HDC: variants seen among roughly 807,000 people sequenced by gnomAD.
HDC encodes the protein histidine decarboxylase.
Under a neutral mutation model 64.4 loss-of-function variants are expected in HDC, and 27 were observed. The observed-to-expected ratio is 0.42, with a 90% confidence interval of 0.31 to 0.58. The LOEUF (loss-of-function observed/expected upper bound fraction) is 0.58. Ranked by LOEUF, HDC falls within the 20% of genes least tolerant of loss-of-function variation. HDC has a pLI of 0.16. For missense variants in HDC, 711 were observed against 833.9 expected (o/e 0.85, Z 1.81); for synonymous variants, 305 against 314.2 (o/e 0.97, Z 0.31).
In HDC at chr15:50,242,849, A is replaced by G; in HGVS notation, c.1400T>C (p.Ile467Thr). The change falls in exon 12 of 12, where the codon ATT becomes ACT. Residue 467 changes from isoleucine (I) to threonine (T), a missense_variant. Around this residue, in one of 3 missense-constraint regions of HDC, gnomAD observed 483 missense variants for 540.9 expected, o/e 0.89. Coordinates refer to ENST00000267845, the MANE Select transcript of HDC (RefSeq NM_002112.4). Reference protein sequence around the residue: ...RDDILRDWNLIRDAATLILSQ... With the variant: ...RDDILRDWNLTRDAATLILSQ... The stretch of plus-strand genomic sequence containing the variant: ...CAGGATGAGAGTGGCAGCATCTCGA[A>G]TGAGATTCCAGTCTCTCAGGATGTC... The G allele has an allele frequency of 1.2e-6, 2 of 1,613,826 alleles. No individual in the cohort carries two copies. The highest frequency in any genetic ancestry group is 1.7e-6 in the Non-Finnish European group (2 of 1,179,724).
At position 50,245,281 on chromosome 15, in the gene HDC, C is replaced by G. The variant is rs61699680; in HGVS notation, c.1141-2037G>C. ...TGTTTACATATTGTCTACGGTAGCT[C>G]TTGTAGTACAGAGGTAATTACAATA... On this transcript the variant is annotated intron_variant, in intron 10 of 11. Coordinates refer to ENST00000267845, the MANE Select transcript of HDC (RefSeq NM_002112.4). Among the ~76,000 whole-genome samples the G allele has an allele frequency of 2.6e-4, 39 of 152,272 alleles. No individual in the cohort carries two copies. In the East Asian group the frequency reaches 7.5e-3, roughly 29 times the overall value.
chr15:50,253,323 CAA>C, intron 7 of HDC: 1 of 513,612 alleles, frequency 1.9e-6, no homozygotes, highest in Non-Finnish European at 3.5e-6. Context: ...GTTCAACATA[CAA>C]GTAAGAGGAT....
At chr15:50,255,756 C>A (rs557644645) in intron 4 of HDC, among the ~76,000 whole-genome samples, 1 of 152,138 alleles carries the variant, frequency 6.6e-6, no homozygotes, top group South Asian at 2.1e-4. Context: ...GCCATGATGG[C>A]TCCACTGCAC....
intron 4 of HDC, among the ~76,000 whole-genome samples, chr15:50,255,894 C>T (rs534910149): frequency 2.6e-5 from 4 of 152,270 alleles, no homozygotes; most frequent in Admixed American, 2.0e-4. Context: ...CCTCACAACA[C>T]CTCTTTGAGA....
chr15:50,263,158 C>G, intron 2 of HDC, 77 bp downstream of exon 2: 1 of 1,460,422 alleles, frequency 6.8e-7, no homozygotes, highest in Non-Finnish European at 9.6e-7. Flanking sequence ...TGACCCAAAG[C>G]AGGTCTTTCT....
chr15:50,265,603 G>A lies in HDC; in HGVS notation c.21C>T (p.Tyr7=), dbSNP rs764087021. The change falls in exon 1 of 12, where the codon TAC becomes TAT. Residue 7 remains tyrosine, a synonymous_variant. Transcript: ENST00000267845. The part of the protein sequence containing the change: MMEPEE[Y]RERGREMVDY... ...ATGCCCGTTGCTCACCTCTCTCTCT[G>A]TACTCCTCAGGCTCCATCATCTCCC... 2 of 1,613,704 alleles carry A rather than the reference G, an allele frequency of 1.2e-6. No individual in the cohort carries two copies. The highest frequency in any genetic ancestry group is 2.7e-5 in the African/African-American group (2 of 74,902).
At chr15:50,261,858 T>C (rs569819982) in intron 2 of HDC, among the ~76,000 whole-genome samples, 11 of 152,014 alleles carry the variant, frequency 7.2e-5, no homozygotes, top group Admixed American at 3.3e-4. Context: ...TACAGGCATG[T>C]GCCACCATGC....
chr15:50,254,743 TC>T, intron 4 of HDC, 79 bp from the exon 5 acceptor site: 1 of 333,814 alleles, frequency 3.0e-6, no homozygotes, highest in East Asian at 5.1e-5. Flanking sequence ...GTTTTTTCTC[TC>T]TCTCTCTCTC....
intron 1 of HDC, 167 bp from the exon 2 acceptor site, chr15:50,263,574 G>T (rs1278178996): frequency 2.9e-6 from 2 of 679,926 alleles, no homozygotes; most frequent in Non-Finnish European, 5.3e-6. Context: ...GGCTGAGGCA[G>T]GCGGATCACG....
Position 50,263,167 on chromosome 15 carries a change from C to A in HDC, c.204+68G>T, listed in dbSNP as rs112772662. The A allele has an allele frequency of 2.6e-6, 4 of 1,543,698 alleles. No homozygotes were observed. The African/African-American group carries it at 5.4e-5, about 21-fold the overall frequency. ...CCAAGCTGACCCAAAGCAGGTCTTT[C>A]TCCAGGCCACCACCCACCCTTCTGT... On this transcript the variant is annotated intron_variant, in intron 2 of 11. Coordinates refer to ENST00000267845, the MANE Select transcript of HDC (RefSeq NM_002112.4).
chr15:50,258,499 G>C lies in HDC; in HGVS notation c.223C>G (p.Pro75Ala). The C allele has an allele frequency of 6.2e-7, 1 of 1,612,164 alleles. No homozygotes were observed. The highest frequency in any genetic ancestry group is 8.5e-7 in the Non-Finnish European group (1 of 1,178,358). ...GCTGGGTAGTAGGCGTGCATATGGG[G>C]GCTCTGCCAATGTACCACCTGGAGG... is the stretch of plus-strand genomic sequence containing the variant. ...IMPGVVHWQS[P>A]HMHAYYPALT... is the part of the protein sequence containing the mutation. The change falls in exon 3 of 12, where the codon CCC becomes GCC. Residue 75 changes from proline (P) to alanine (A), a missense_variant. Pro to Ala is a conservative substitution (Grantham distance 27). Coordinates refer to ENST00000267845, the MANE Select transcript of HDC (RefSeq NM_002112.4).
chr15:50,252,365 G>A (rs1051690346), intron 9 of HDC, 65 bp downstream of exon 9: 72 of 1,295,256 alleles, frequency 5.6e-5, no homozygotes, highest in Non-Finnish European at 7.5e-5. Flanking sequence ...ATTTTGGGGG[G>A]TCAGACGCCT....
At position 50,248,493 on chromosome 15, in the gene HDC, A is replaced by G; in HGVS notation, c.1042-150T>C. 4 of 694,422 alleles carry G rather than the reference A, an allele frequency of 5.8e-6. No individual in the cohort carries two copies. Among genetic ancestry groups the G allele is most frequent in the African/African-American group, 3.5e-5 (2 of 57,098 alleles). 43.0% of individuals were successfully genotyped at this position (694,422 alleles called of 1,614,324 possible). On this transcript the variant is annotated intron_variant, in intron 9 of 11. Coordinates refer to ENST00000267845, the MANE Select transcript of HDC (RefSeq NM_002112.4). The surrounding 1 kb of genome is among the most constrained non-coding windows in gnomAD (Gnocchi z 4.3). The stretch of plus-strand genomic sequence containing the variant: ...GGAGCTGTTGCTAAGGAGTAAGCCA[A>G]GCTCCCCAAGGGTTGCCCCATCGTG...
At chr15:50,261,676 A>G (rs959468623) in intron 2 of HDC, among the ~76,000 whole-genome samples, 18 of 146,474 alleles carry the variant, frequency 1.2e-4, no homozygotes, top group African/African-American at 4.5e-4. Flanking sequence ...GAGTTTGAAT[A>G]TTTTCCCACC....
At position 50,248,117 on chromosome 15, in the gene HDC, A is replaced by T; in HGVS notation, c.1140+128T>A. 1.4e-6 allele frequency: 1 copy of T among 708,860 alleles called. No individual in the cohort carries two copies. Among genetic ancestry groups the T allele is most frequent in the East Asian group, 2.7e-5 (1 of 36,392 alleles). 43.9% of individuals were successfully genotyped at this position (708,860 alleles called of 1,614,324 possible). ...AGAATCAAGTCCCAGGAGCTGAGGA[A>T]CAGGCCCAGACACCTGAACCACACA... On this transcript the variant is annotated intron_variant, in intron 10 of 11. Coordinates refer to ENST00000267845, the MANE Select transcript of HDC (RefSeq NM_002112.4). This position sits in a 1 kb window ranked among gnomAD's most constrained non-coding sequence, Gnocchi z 4.3.
chr15:50,257,839 T>C (rs910857939), intron 3 of HDC, among the ~76,000 whole-genome samples: 18 of 152,256 alleles, frequency 1.2e-4, no homozygotes, highest in African/African-American at 4.1e-4. Flanking sequence ...CTAAAATACA[T>C]AGCTGAGAAG....
At chr15:50,243,121 G>T (rs2045425980) in intron 11 of HDC, 22 bp downstream of exon 11, 1 of 1,611,484 alleles carries the variant, frequency 6.2e-7, no homozygotes, top group Non-Finnish European at 8.5e-7. Context: ...CATTCACAGA[G>T]GGGCTTGGAA....
chr15:50,245,083 T>A (rs577213018), intron 10 of HDC, among the ~76,000 whole-genome samples: 2 of 152,098 alleles, frequency 1.3e-5, no homozygotes, highest in Non-Finnish European at 2.9e-5. Flanking sequence ...GAGAGGAGAA[T>A]ACAGAGCACA....
Position 50,242,826 on chromosome 15 carries a change from G to T in HDC, c.1423C>A (p.Leu475Met), listed in dbSNP as rs1339516709. Residue 475 changes from leucine (L) to methionine (M), a missense_variant, in exon 12 of 12, where the codon CTG (leucine) becomes ATG (methionine). This residue lies in a region of HDC where 483 missense variants were observed against 540.9 expected (regional missense o/e 0.89). Coordinates refer to ENST00000267845, the MANE Select transcript of HDC (RefSeq NM_002112.4). Reference protein sequence around the residue: ...NLIRDAATLILSQHCTSQPSP... With the variant: ...NLIRDAATLIMSQHCTSQPSP... Reference sequence around the variant, plus strand: ...GGTTGGGAAGTACAGTGCTGACTCAGGATGAGAGTGGCAGCATCTCGAATG... The same window carrying T: ...GGTTGGGAAGTACAGTGCTGACTCATGATGAGAGTGGCAGCATCTCGAATG... 3.1e-6 allele frequency: 5 copies of T among 1,613,846 alleles called. No homozygotes were observed. Among genetic ancestry groups the T allele is most frequent in the Non-Finnish European group, 4.2e-6 (5 of 1,179,884 alleles).
Sources: gnomAD v4.1 joint callset for allele counts (sites outside exome capture counted in the v4.1 genomes callset) on GRCh38, gnomAD v4.1.1 for gene constraint, gnomAD v4.1.1 regional missense constraint, Gnocchi (gnomAD v3.1) non-coding constraint, MANE v1.5 for transcripts, NCBI Gene and HGNC (gene_info 2026-07-23, HGNC 2026-07-21) for gene names.